The following PPP1R9A variants were observed in gnomAD, a reference collection of about 807,000 sequenced individuals.
The protein encoded by PPP1R9A is protein phosphatase 1 regulatory subunit 9A.
A neutral mutation model predicts 141.9 loss-of-function variants in PPP1R9A; 59 were observed. The observed-to-expected ratio is 0.42, with a 90% CI of 0.34 to 0.52. PPP1R9A has a LOEUF of 0.52. Ranked by LOEUF, PPP1R9A falls within the 20% of genes least tolerant of loss-of-function variation. The probability of loss-of-function intolerance (pLI) is 0.10; values close to 1 mark genes in which losing one functional copy is unlikely to be tolerated. For missense variants in PPP1R9A, 1,444 were observed against 1,611.9 expected (o/e 0.90, Z 1.78); for synonymous variants, 500 against 569.7 (o/e 0.88, Z 1.74).
chr7:95,173,801 A>G (rs896872312), intron 5 of PPP1R9A, among the ~76,000 whole-genome samples: 9 of 152,194 alleles, frequency 5.9e-5, no homozygotes, highest in African/African-American at 2.2e-4. Flanking sequence ...GGGGCAGGTA[A>G]ATTAAATCCA....
intron 2 of PPP1R9A, among the ~76,000 whole-genome samples, chr7:94,933,755 A>G (rs1185185415): frequency 6.6e-6 from 1 of 152,210 alleles, no homozygotes; most frequent in Non-Finnish European, 1.5e-5. Context: ...CCAGGCACCA[A>G]GAACTTAAGC....
At chr7:95,160,573 T>C (rs1324465345) in intron 4 of PPP1R9A, among the ~76,000 whole-genome samples, 1 of 152,076 alleles carries the variant, frequency 6.6e-6, no homozygotes, top group African/African-American at 2.4e-5. Context: ...ATTTGTTACC[T>C]GGGTATATTG....
chr7:95,012,769 C>T (rs1804604064), intron 2 of PPP1R9A, among the ~76,000 whole-genome samples: 1 of 152,068 alleles, frequency 6.6e-6, no homozygotes, highest in African/African-American at 2.4e-5. Flanking sequence ...ACTAGGATCA[C>T]TGAGTATATA....
At chr7:94,955,128 C>T (rs1796948305) in intron 2 of PPP1R9A, among the ~76,000 whole-genome samples, 1 of 151,762 alleles carries the variant, frequency 6.6e-6, no homozygotes, top group African/African-American at 2.4e-5. Context: ...CATAGATTTT[C>T]CTCTAGTATT....
At chr7:95,079,981 A>G (rs1334353847) in intron 2 of PPP1R9A, among the ~76,000 whole-genome samples, 2 of 152,212 alleles carry the variant, frequency 1.3e-5, no homozygotes, top group African/African-American at 4.8e-5. Flanking sequence ...AGCCAATATC[A>G]TACTGAATGG....
chr7:95,061,110 T>C (rs954089354), intron 2 of PPP1R9A, among the ~76,000 whole-genome samples: 1 of 152,166 alleles, frequency 6.6e-6, no homozygotes, highest in African/African-American at 2.4e-5. Context: ...CATAGTAACA[T>C]GGAATTTAAG....
chr7:95,085,628 T>A (rs1816517915), intron 2 of PPP1R9A, among the ~76,000 whole-genome samples: 1 of 151,616 alleles, frequency 6.6e-6, no homozygotes, highest in Admixed American at 6.6e-5. Flanking sequence ...TTGGCCAGGC[T>A]GGTCTCCAAC....
chr7:95,100,178 C>T (rs965938240), intron 2 of PPP1R9A, among the ~76,000 whole-genome samples: 2 of 151,858 alleles, frequency 1.3e-5, no homozygotes, highest in African/African-American at 2.4e-5. Context: ...CCAGCACTTT[C>T]GGAGGCCGAG....
chr7:94,940,618 T>A (rs560429374), intron 2 of PPP1R9A, among the ~76,000 whole-genome samples: 1 of 152,126 alleles, frequency 6.6e-6, no homozygotes, highest in African/African-American at 2.4e-5. Context: ...CCTCTAGAGT[T>A]CTTAAAAATA....
chr7:95,228,702 G>A (rs1024673967), intron 8 of PPP1R9A, among the ~76,000 whole-genome samples: 3 of 152,010 alleles, frequency 2.0e-5, no homozygotes, highest in South Asian at 2.1e-4. Context: ...TGAAAAATAC[G>A]CTGCATTTTT....
chr7:94,918,525 A>T (rs760249533), intron 2 of PPP1R9A, among the ~76,000 whole-genome samples: 8 of 152,090 alleles, frequency 5.3e-5, no homozygotes, highest in Non-Finnish European at 7.4e-5. Flanking sequence ...CACCACTTTG[A>T]AGTGCACAAT....
chr7:95,211,156 AC>A (rs1466105279), intron 7 of PPP1R9A, among the ~76,000 whole-genome samples: 12 of 148,848 alleles, frequency 8.1e-5, no homozygotes, highest in African/African-American at 2.7e-4. Flanking sequence ...AAAAAAAAAA[AC>A]ATTAAAAATA....
intron 2 of PPP1R9A, among the ~76,000 whole-genome samples, chr7:95,067,197 GAAA>G (rs897725756): frequency 4.6e-5 from 7 of 152,184 alleles, no homozygotes; most frequent in African/African-American, 1.7e-4. Flanking sequence ...TGTGTACCAT[GAAA>G]TTCAGGGAAT....
At chr7:95,138,897 T>A (rs1584904183) in intron 4 of PPP1R9A, among the ~76,000 whole-genome samples, 2 of 152,198 alleles carry the variant, frequency 1.3e-5, no homozygotes, top group Admixed American at 6.5e-5. Flanking sequence ...TTATGGCTAG[T>A]GGGAATGCAG....
intron 2 of PPP1R9A, among the ~76,000 whole-genome samples, chr7:94,933,654 C>A (rs1794429820): frequency 6.6e-6 from 1 of 152,104 alleles, no homozygotes; most frequent in Non-Finnish European, 1.5e-5. Context: ...AAATAGATAA[C>A]ATTCACCATA....
intron 2 of PPP1R9A, among the ~76,000 whole-genome samples, chr7:94,914,296 T>A (rs1791798721): frequency 6.6e-6 from 1 of 152,230 alleles, no homozygotes; most frequent in Non-Finnish European, 1.5e-5. Flanking sequence ...TGTAATATTG[T>A]CCTCAGTGAC....
At chr7:95,248,860 C>A (rs1427062646) in intron 9 of PPP1R9A, among the ~76,000 whole-genome samples, 1 of 151,910 alleles carries the variant, frequency 6.6e-6, no homozygotes, top group East Asian at 1.9e-4. Context: ...AACTGTTTTG[C>A]AAATGTGTTT....
intron 4 of PPP1R9A, among the ~76,000 whole-genome samples, chr7:95,126,407 A>T (rs1363516444): frequency 1.3e-5 from 2 of 152,198 alleles, no homozygotes; most frequent in East Asian, 3.9e-4. Context: ...GCAGGATCTC[A>T]GCAATATCAC....
chr7:95,275,439 A>G (rs1487586531), intron 16 of PPP1R9A, among the ~76,000 whole-genome samples: 1 of 152,004 alleles, frequency 6.6e-6, no homozygotes, highest in Non-Finnish European at 1.5e-5. Flanking sequence ...GAGAGTAGAT[A>G]ATAATACCAT....
Sources: allele counts gnomAD v4.1 joint callset (sites outside exome capture counted in the v4.1 genomes callset), GRCh38; gene constraint gnomAD v4.1.1; transcripts MANE v1.5; gene names NCBI Gene and HGNC (gene_info 2026-07-23, HGNC 2026-07-21).